DBF4B: variants seen among roughly 807,000 people sequenced by gnomAD.
The protein encoded by DBF4B is DBF4B-CDC7 kinase regulatory subunit, also known as protein DBF4 homolog B.
In DBF4B, 49 loss-of-function variants were observed where a neutral mutation model predicts 53.4. The observed-to-expected ratio is 0.92, with a 90% CI of 0.73 to 1.16. The LOEUF (loss-of-function observed/expected upper bound fraction) is 1.16. DBF4B is among the 50% of genes most tolerant of loss of function. DBF4B has a pLI of 0.00. For missense variants in DBF4B, 692 were observed against 775.0 expected, an observed-to-expected ratio of 0.89 and a Z score of 1.27; for synonymous variants, 257 against 288.7, an observed-to-expected ratio of 0.89 and a Z score of 1.11.
chr17:44,735,948 T>C (rs1045274916), intron 7 of DBF4B, among the ~76,000 whole-genome samples: 1 of 152,088 alleles, frequency 6.6e-6, no homozygotes, highest in African/African-American at 2.4e-5. Context: ...GAAGATCCAT[T>C]TACTCTTTTT....
At chr17:44,718,600 A>C (rs987818727) in intron 2 of DBF4B, among the ~76,000 whole-genome samples, 4 of 151,954 alleles carry the variant, frequency 2.6e-5, no homozygotes, top group African/African-American at 9.7e-5. Flanking sequence ...CATTTTTGGC[A>C]CAGAAGTGAT....
In DBF4B at chr17:44,708,853, G is replaced by T; in HGVS notation, c.19+14G>T. 1 of 1,551,256 alleles carries T rather than the reference G, an allele frequency of 6.4e-7. No individual in the cohort carries two copies. The highest frequency in any genetic ancestry group is 8.7e-7 in the Non-Finnish European group (1 of 1,146,878). On this transcript the variant is annotated intron_variant, in intron 1 of 13. Transcript: ENST00000315005. ...AACCGGGAAAGGGTACGGATGCCGG[G>T]AAGGGGAGAAAGAAAGGCGGAAGGG...
rs765238899 is a variant in DBF4B, at chr17:44,736,833, A to C, written c.634A>C (p.Thr212Pro). The change falls in exon 8 of 14, where the codon ACA becomes CCA. Residue 212 changes from threonine to proline, a missense_variant. Physicochemically the swap from Thr to Pro is conservative, Grantham distance 38. This residue lies in a region of DBF4B where 597 missense variants were observed against 665.8 expected (regional missense o/e 0.90). Transcript: ENST00000315005. ...KKQQPKKPEGTCPAAESRTRK... is the reference protein window; with the variant it reads ...KKQQPKKPEGPCPAAESRTRK... ...CCTATTTTTCCTTTCCATTTAGGGAACATGTCCAGCAGCAGAGTCAAGAAC... is the reference window on the plus strand; with the variant it reads ...CCTATTTTTCCTTTCCATTTAGGGACCATGTCCAGCAGCAGAGTCAAGAAC... 2.6e-5 allele frequency: 42 copies of C among 1,613,940 alleles called. No individual in the cohort carries two copies. Among genetic ancestry groups the C allele is most frequent in the Non-Finnish European group, 1.0e-5 (12 of 1,179,980 alleles).
At chr17:44,715,812 C>CTTTTTTTTTTTTTTTTTTTTTT (rs869200833) in intron 2 of DBF4B, among the ~76,000 whole-genome samples, 6 of 55,512 alleles carry the variant, frequency 1.1e-4, no homozygotes, top group Non-Finnish European at 2.0e-4. Context: ...TTCTTTCTTT[C>CTTTTTTTTTTTTTTTTTTTTTT]TTTTTTTTTT....
At position 44,729,991 on chromosome 17, in the gene DBF4B, T is replaced by A; in HGVS notation, c.312T>A (p.His104Gln). The A allele has an allele frequency of 6.2e-7, 1 of 1,613,918 alleles. No homozygotes were observed. Among genetic ancestry groups the A allele is most frequent in the Non-Finnish European group, 8.5e-7 (1 of 1,180,018 alleles). Residue 104 changes from histidine to glutamine, a missense_variant, in exon 4 of 14, where the codon CAT (histidine) becomes CAA (glutamine). Transcript: ENST00000315005. ...AGGCAGAGAGCAGTGGGAAAAGCCA[T>A]AGAGGCTGCCCTAGCCCTAGCCCCA... is the stretch of plus-strand genomic sequence containing the variant. ...EVKAESSGKS[H>Q]RGCPSPSPSE...
rs756032654 is a variant in DBF4B, at chr17:44,750,575, G to T, written c.1190-20G>T. 1.8e-5 allele frequency: 29 copies of T among 1,586,992 alleles called. No homozygotes were observed. Among genetic ancestry groups the T allele is most frequent in the South Asian group, 3.4e-5 (3 of 88,806 alleles). On this transcript the variant is annotated intron_variant, in intron 13 of 13. Coordinates refer to ENST00000315005, the MANE Select transcript of DBF4B (RefSeq NM_145663.3). ...GATGGGGCTGGAATGCCATATGTCG[G>T]TCCTTGATCTGCCCTCCAGTGACCC...
chr17:44,723,659 T>C (rs1974045992), intron 3 of DBF4B, among the ~76,000 whole-genome samples: 1 of 151,430 alleles, frequency 6.6e-6, no homozygotes, highest in Admixed American at 6.6e-5. Context: ...CTCAGGAGGC[T>C]AAGGCAGGAG....
chr17:44,735,879 T>G (rs1975369220), intron 7 of DBF4B, among the ~76,000 whole-genome samples: 1 of 152,192 alleles, frequency 6.6e-6, no homozygotes, highest in Admixed American at 6.5e-5. Flanking sequence ...CTAAAGCTGA[T>G]TTTTTTATTT....
intron 3 of DBF4B, among the ~76,000 whole-genome samples, chr17:44,726,873 C>T (rs1416916648): frequency 7.2e-5 from 11 of 152,110 alleles, no homozygotes; most frequent in Admixed American, 3.9e-4. Context: ...CCGAGGCGGG[C>T]GGATCACTTA....
intron 10 of DBF4B, among the ~76,000 whole-genome samples, chr17:44,746,323 T>G (rs911708770): frequency 6.6e-6 from 1 of 151,264 alleles, no homozygotes; most frequent in African/African-American, 2.4e-5. Flanking sequence ...CAAGGCAGCA[T>G]GAGAGAAGGG....
At chr17:44,709,654 C>T (rs1972688596) in intron 2 of DBF4B, among the ~76,000 whole-genome samples, 1 of 151,830 alleles carries the variant, frequency 6.6e-6, no homozygotes. Context: ...TGTGTATGGA[C>T]GCAGCATCAT....
At chr17:44,736,786 C>T (rs369892572) in intron 7 of DBF4B, 44 bp from the exon 8 acceptor site, 29 of 1,611,970 alleles carry the variant, frequency 1.8e-5, no homozygotes, top group East Asian at 2.2e-5. Flanking sequence ...CCTTGACCCC[C>T]GTGGCTTCCT....
At chr17:44,748,982 G>A in intron 13 of DBF4B, 6 of 1,289,842 alleles carry the variant, frequency 4.7e-6, no homozygotes, top group Middle Eastern at 4.3e-4. Context: ...TCCTGGCTGG[G>A]GAAAGGGTGG....
chr17:44,723,548 G>GT, intron 3 of DBF4B, among the ~76,000 whole-genome samples: 1 of 152,044 alleles, frequency 6.6e-6, no homozygotes, highest in Non-Finnish European at 1.5e-5. Context: ...GACGTCAGGA[G>GT]TTAGGGACTA....
chr17:44,751,108 C>T lies in DBF4B; in HGVS notation c.1703C>T (p.Pro568Leu). The change falls in exon 14 of 14, where the codon CCC (proline) becomes CTC (leucine). Residue 568 changes from proline (P) to leucine (L), a missense_variant. Transcript: ENST00000315005. ...VPSLSTAGPI[P>L]RTSHPCTLAF... ...TCATTGTCAACTGCAGGACCCATTC[C>T]CCGAACCTCACATCCGTGTACCCTT... is the stretch of plus-strand genomic sequence containing the variant. 1 of 1,614,166 alleles carries T rather than the reference C, an allele frequency of 6.2e-7. No homozygotes were observed. Among genetic ancestry groups the T allele is most frequent in the South Asian group, 1.1e-5 (1 of 91,088 alleles).
intron 4 of DBF4B, 53 bp from the exon 5 acceptor site, chr17:44,730,912 T>C (rs80233240): frequency 9.4e-6 from 15 of 1,598,280 alleles, no homozygotes; most frequent in African/African-American, 1.3e-5. Flanking sequence ...TAAACATCTT[T>C]CAGTGCACAG....
Position 44,747,499 on chromosome 17 carries a change from C to T in DBF4B, c.1048C>T (p.Gln350Ter), listed in dbSNP as rs1160973366. The T allele has an allele frequency of 6.2e-7, 1 of 1,614,002 alleles. No individual in the cohort carries two copies. Among genetic ancestry groups the T allele is most frequent in the Non-Finnish European group, 8.5e-7 (1 of 1,180,036 alleles). ...LSHSFADIPF[Q>*]AGLPRWSGSP... Reference sequence around the variant, plus strand: ...CCACAGCTTTGCAGACATCCCTTTCCAGGCTGGCCTCCCCAGGTGAGTGCC... The same window carrying T: ...CCACAGCTTTGCAGACATCCCTTTCTAGGCTGGCCTCCCCAGGTGAGTGCC... The change falls in exon 12 of 14, where the codon CAG becomes TAG. Residue 350 changes from glutamine (Q) to a stop codon, truncating the protein, a stop_gained. Transcript: ENST00000315005. LOFTEE classifies it high-confidence loss of function.
At position 44,749,692 on chromosome 17, in the gene DBF4B, T is replaced by C. The variant is rs1385498139; in HGVS notation, c.1190-903T>C. The C allele has an allele frequency of 8.6e-7, 1 of 1,163,438 alleles. No homozygotes were observed. The highest frequency in any genetic ancestry group is 1.1e-6 in the Non-Finnish European group (1 of 928,112). 72.1% of individuals were successfully genotyped at this position (1,163,438 alleles called of 1,614,324 possible). A position where few individuals can be genotyped will look rare whatever the true frequency, so the allele number is the denominator to read the frequency against. Reference sequence around the variant, plus strand: ...CCCACGCCAGGAGGCAGAGGCGAAGTTGGCATGGGGAGGGACCACAAAGGA... The same window carrying C: ...CCCACGCCAGGAGGCAGAGGCGAAGCTGGCATGGGGAGGGACCACAAAGGA... On this transcript the variant is annotated intron_variant, in intron 13 of 13. Coordinates refer to ENST00000315005, the MANE Select transcript of DBF4B (RefSeq NM_145663.3). This position sits in a 1 kb window ranked among gnomAD's most constrained non-coding sequence, Gnocchi z 4.4.
chr17:44,723,868 C>T (rs187388172), intron 3 of DBF4B, among the ~76,000 whole-genome samples: 9 of 152,152 alleles, frequency 5.9e-5, no homozygotes, highest in African/African-American at 1.9e-4. Flanking sequence ...CCCAGCACTT[C>T]GGGAGGCTGA....
Sources: allele counts gnomAD v4.1 joint callset (sites outside exome capture counted in the v4.1 genomes callset), GRCh38; gene constraint gnomAD v4.1.1; regional missense constraint gnomAD v4.1.1; non-coding constraint Gnocchi (gnomAD v3.1); transcripts MANE v1.5; gene names NCBI Gene and HGNC (gene_info 2026-07-23, HGNC 2026-07-21).